Variants in MED4 observed in about 807,000 individuals in gnomAD.
The protein encoded by MED4 is mediator of RNA polymerase II transcription subunit 4.
Under a neutral mutation model 35.0 loss-of-function variants are expected in MED4, and 21 were observed. The ratio of observed to expected loss-of-function variants is 0.60; its 90% CI spans 0.43 to 0.86. The LOEUF (loss-of-function observed/expected upper bound fraction) is 0.86, where lower values mean the gene tolerates loss of function less well. Ranked by LOEUF, MED4 falls within the 40% of genes least tolerant of loss-of-function variation. The pLI, the probability that MED4 is intolerant of heterozygous loss-of-function variation, is 0.00. For missense variants in MED4, 300 were observed against 319.4 expected, an observed-to-expected ratio of 0.94 and a Z score of 0.46; for synonymous variants, 138 against 114.0, an observed-to-expected ratio of 1.21 and a Z score of -1.34.
intron 6 of MED4, among the ~76,000 whole-genome samples, chr13:48,077,780 A>G (rs375178163): frequency 3.3e-5 from 5 of 152,186 alleles, no homozygotes; most frequent in Admixed American, 2.6e-4. Flanking sequence ...GGAAAAGTTG[A>G]TATTTTAGCA....
chr13:48,084,860 T>C (rs951287767), intron 3 of MED4, among the ~76,000 whole-genome samples: 1 of 151,088 alleles, frequency 6.6e-6, no homozygotes, highest in Non-Finnish European at 1.5e-5. Context: ...ATATAATATA[T>C]ACAAACATAT....
intron 1 of MED4, among the ~76,000 whole-genome samples, chr13:48,094,024 A>G (rs1950907813): frequency 6.6e-6 from 1 of 152,200 alleles, no homozygotes; most frequent in Non-Finnish European, 1.5e-5. Flanking sequence ...CTGACTAAAG[A>G]ATTTGAACTT....
At position 48,086,272 on chromosome 13, in the gene MED4, G is replaced by A. The variant is rs370922859; in HGVS notation, c.363+10C>T. On this transcript the variant is annotated intron_variant, in intron 3 of 6. Coordinates refer to ENST00000258648, the MANE Select transcript of MED4 (RefSeq NM_014166.4). ...TTTTTAACCTTAAGAACCAACCTCT[G>A]TCAACTTACCAGTATTTGTTCTGCT... The A allele has an allele frequency of 4.3e-6, 7 of 1,611,486 alleles. No individual in the cohort carries two copies. Among genetic ancestry groups the A allele is most frequent in the Admixed American group, 1.7e-5 (1 of 59,618 alleles).
chr13:48,094,829 A>T (rs956851377), intron 1 of MED4, 125 bp downstream of exon 1: 2 of 1,391,178 alleles, frequency 1.4e-6, no homozygotes, highest in Admixed American at 2.4e-5. Context: ...ACCCTCATGC[A>T]CCCGAAACTC....
At chr13:48,086,493 G>C in intron 2 of MED4, 41 bp from the exon 3 acceptor site, 8 of 1,558,420 alleles carry the variant, frequency 5.1e-6, no homozygotes, top group Non-Finnish European at 7.0e-6. Context: ...ATAGACTACT[G>C]AAAGGCTGCA....
Position 48,081,730 on chromosome 13 carries a change from A to C in MED4, c.423T>G (p.Gly141=). The C allele has an allele frequency of 6.2e-7, 1 of 1,604,136 alleles. No individual in the cohort carries two copies. The highest frequency in any genetic ancestry group is 8.5e-7 in the Non-Finnish European group (1 of 1,173,768). ...TAATTATTTCTTCAGAGGAGATAGC[A>C]CCTGAAAGAGTTTTAAGAGGACAGT... The part of the protein sequence containing the change: ...KLKSIEKARK[G]AISSEEIIKY... Residue 141 remains glycine, a splice_region_variant and synonymous_variant, in exon 5 of 7, where the codon GGT becomes GGG. Transcript: ENST00000258648.
chr13:48,082,725 G>A (rs2137831800), intron 4 of MED4, among the ~76,000 whole-genome samples: 1 of 152,248 alleles, frequency 6.6e-6, no homozygotes, highest in Non-Finnish European at 1.5e-5. Context: ...TACTCGGGAG[G>A]CTGAGGCAGG....
intron 3 of MED4, 97 bp downstream of exon 3, chr13:48,086,185 C>T: frequency 8.6e-7 from 1 of 1,158,886 alleles, no homozygotes; most frequent in Non-Finnish European, 1.2e-6. Flanking sequence ...CTTGGAAAGT[C>T]TAGTTTTCTG....
chr13:48,094,306 G>C (rs935794277), intron 1 of MED4, among the ~76,000 whole-genome samples: 3 of 152,102 alleles, frequency 2.0e-5, no homozygotes, highest in African/African-American at 7.2e-5. Context: ...AGTCAAGGAA[G>C]GCTTCAACTT....
At chr13:48,081,464 G>A (rs1950807593) in intron 5 of MED4, among the ~76,000 whole-genome samples, 181 bp downstream of exon 5, 1 of 152,106 alleles carries the variant, frequency 6.6e-6, no homozygotes, top group Admixed American at 6.5e-5. Flanking sequence ...TGGCTTCACA[G>A]AAAACCAAAT....
intron 2 of MED4, among the ~76,000 whole-genome samples, chr13:48,089,116 G>C (rs1478537502): frequency 6.6e-6 from 1 of 151,936 alleles, no homozygotes; most frequent in Non-Finnish European, 1.5e-5. Flanking sequence ...TTAATCCCAC[G>C]GGTATTAACA....
intron 2 of MED4, among the ~76,000 whole-genome samples, chr13:48,086,919 G>C (rs925012970): frequency 6.6e-6 from 1 of 151,624 alleles, no homozygotes; most frequent in Non-Finnish European, 1.5e-5. Flanking sequence ...GTGTGGTGGC[G>C]CCTAAAATCC....
chr13:48,083,228 C>T, intron 4 of MED4, 143 bp downstream of exon 4: 2 of 621,008 alleles, frequency 3.2e-6, no homozygotes, highest in Admixed American at 3.5e-5. Context: ...CAGCACAATG[C>T]TAGAACACAA....
At position 48,081,736 on chromosome 13, in the gene MED4, AAG is replaced by A. The variant is rs1182283128; in HGVS notation, c.422-7_422-6del. On this transcript the variant is annotated splice_region_variant and splice_polypyrimidine_tract_variant and intron_variant, in intron 4 of 6. Coordinates refer to ENST00000258648, the MANE Select transcript of MED4 (RefSeq NM_014166.4). Reference sequence around the variant, plus strand: ...TTTCTTCAGAGGAGATAGCACCTGAAAGAGTTTTAAGAGGACAGTATAACCTG... The same window carrying A: ...TTTCTTCAGAGGAGATAGCACCTGAAAGTTTTAAGAGGACAGTATAACCTG... 2 of 1,587,846 alleles carry A rather than the reference AAG, an allele frequency of 1.3e-6. No individual in the cohort carries two copies. Among genetic ancestry groups the A allele is most frequent in the East Asian group, 2.2e-5 (1 of 44,500 alleles).
At chr13:48,077,952 A>G (rs1379019172) in intron 6 of MED4, among the ~76,000 whole-genome samples, 3 of 152,150 alleles carry the variant, frequency 2.0e-5, no homozygotes, top group African/African-American at 7.2e-5. Context: ...TAGGTTATGT[A>G]GATTATTCTA....
chr13:48,080,396 CAAAA>C (rs57198503), intron 5 of MED4, among the ~76,000 whole-genome samples: 3 of 68,814 alleles, frequency 4.4e-5, no homozygotes, highest in Admixed American at 1.9e-4. Context: ...GACCCTGTCT[CAAAA>C]AAAAAAAAAA....
At chr13:48,093,336 A>G (rs1333722136) in intron 1 of MED4, among the ~76,000 whole-genome samples, 1 of 152,220 alleles carries the variant, frequency 6.6e-6, no homozygotes, top group African/African-American at 2.4e-5. Flanking sequence ...CATTTTATAA[A>G]CTAATAAATA....
chr13:48,093,667 C>T (rs1312600152), intron 1 of MED4: 3 of 444,084 alleles, frequency 6.8e-6, no homozygotes, highest in South Asian at 1.6e-5. Flanking sequence ...GGATTATAGG[C>T]GTGAGCCACC....
intron 6 of MED4, among the ~76,000 whole-genome samples, chr13:48,078,957 G>A (rs934733928): frequency 6.6e-6 from 1 of 152,084 alleles, no homozygotes; most frequent in Non-Finnish European, 1.5e-5. Context: ...CTCAGAAAGG[G>A]TATATTTTTT....
Sources: gnomAD v4.1 joint callset for allele counts (sites outside exome capture counted in the v4.1 genomes callset) on GRCh38, gnomAD v4.1.1 for gene constraint, MANE v1.5 for transcripts, NCBI Gene and HGNC (gene_info 2026-07-23, HGNC 2026-07-21) for gene names.